The following RADX variants were observed in gnomAD, a reference collection of about 807,000 sequenced individuals.
RADX encodes the protein RPA-related protein RADX.
Under a neutral mutation model 61.6 loss-of-function variants are expected in RADX, and 36 were observed. The ratio of observed to expected loss-of-function variants is 0.58; its 90% CI spans 0.45 to 0.77. The LOEUF is 0.77. Ranked by LOEUF, RADX falls within the 30% of genes least tolerant of loss-of-function variation. The pLI, the probability that RADX is intolerant of heterozygous loss-of-function variation, is 0.00. For missense variants in RADX, 497 were observed against 651.1 expected (o/e 0.76, Z 2.58); for synonymous variants, 272 against 237.9 (o/e 1.14, Z -1.32).
intron 12 of RADX, among the ~76,000 whole-genome samples, chrX:106,667,125 A>G (rs1928246851): frequency 9.0e-6 from 1 of 111,457 alleles, no homozygotes; most frequent in Non-Finnish European, 1.9e-5. Context: ...CAGGTGCTGG[A>G]AAGTGTTGTA....
chrX:106,642,099 AT>A (rs1405037110), intron 10 of RADX, among the ~76,000 whole-genome samples: 1 of 110,732 alleles, frequency 9.0e-6, no homozygotes, highest in African/African-American at 3.3e-5. Flanking sequence ...ATTTTTTAAA[AT>A]TGTTTAACTT....
intron 1 of RADX, among the ~76,000 whole-genome samples, chrX:106,621,427 C>A (rs910472910): frequency 8.9e-6 from 1 of 111,877 alleles, no homozygotes; most frequent in African/African-American, 3.2e-5. Context: ...AAGAAATACT[C>A]GTACTAATGC....
chrX:106,639,459 C>A, intron 8 of RADX, 68 bp from the exon 9 acceptor site: 1 of 891,206 alleles, frequency 1.1e-6, no homozygotes, highest in Non-Finnish European at 1.5e-6. Context: ...AATTACATTG[C>A]AAATCTAATT....
chrX:106,632,572 TA>T, intron 3 of RADX, 52 bp from the exon 4 acceptor site: 1 of 809,985 alleles, frequency 1.2e-6, no homozygotes, highest in Middle Eastern at 4.1e-4. Context: ...TATTCATGTA[TA>T]TTCTTTGGTG....
intron 13 of RADX, 28 bp downstream of exon 13, chrX:106,669,358 T>TCA: frequency 9.5e-7 from 1 of 1,048,673 alleles, no homozygotes; most frequent in Non-Finnish European, 1.3e-6. Flanking sequence ...TTCTTTTCAC[T>TCA]CAGAAAAAAA....
intron 13 of RADX, among the ~76,000 whole-genome samples, chrX:106,670,381 T>C (rs1178758711): frequency 1.8e-5 from 2 of 110,699 alleles, no homozygotes; most frequent in Non-Finnish European, 3.8e-5. Flanking sequence ...TTCTGCTGTA[T>C]GTCTACACTA....
At position 106,632,697 on chromosome X, in the gene RADX, G is replaced by C; in HGVS notation, c.1052G>C (p.Trp351Ser). 1 of 1,192,891 alleles carries C rather than the reference G, an allele frequency of 8.4e-7. No homozygotes were observed. The highest frequency in any genetic ancestry group is 1.1e-6 in the Non-Finnish European group (1 of 880,765). Reference sequence around the variant, plus strand: ...CCAGAAAAGCAGGTGAAACCAGAATGGAGACTGCCAAAGCTAAATCACCGA... The same window carrying C: ...CCAGAAAAGCAGGTGAAACCAGAATCGAGACTGCCAAAGCTAAATCACCGA... Reference protein sequence around the residue: ...IIPEKQVKPEWRLPKLNHRFT... With the variant: ...IIPEKQVKPESRLPKLNHRFT... The change falls in exon 4 of 14, where the codon TGG (tryptophan) becomes TCG (serine). Residue 351 changes from tryptophan (W) to serine (S), a missense_variant. By Grantham distance (177) the Trp-to-Ser change is radical. Around this residue, in one of 3 missense-constraint regions of RADX, gnomAD observed 196 missense variants for 315.0 expected, o/e 0.62. Transcript: ENST00000372548.
chrX:106,664,720 G>A (rs186781343), intron 12 of RADX, among the ~76,000 whole-genome samples: 126 of 101,550 alleles, frequency 1.2e-3, no homozygotes, highest in Non-Finnish European at 1.1e-3. Context: ...GTGGGAGGGG[G>A]TAGCTTATCA....
intron 10 of RADX, among the ~76,000 whole-genome samples, chrX:106,641,110 A>T (rs927850006): frequency 6.4e-5 from 7 of 109,742 alleles, no homozygotes; most frequent in African/African-American, 2.3e-4. Context: ...TAAGGATACC[A>T]CTCATATTGG....
chrX:106,658,658 A>G lies in RADX; in HGVS notation c.1979-3357A>G, dbSNP rs762667174. 7.1e-5 allele frequency among the ~76,000 whole-genome samples: 8 copies of G among 112,437 alleles called. No individual in the cohort carries two copies. In the South Asian group the frequency reaches 2.2e-3, roughly 31 times the overall value. The stretch of plus-strand genomic sequence containing the variant: ...CAGTTTTAATGAATGAATTAGATCT[A>G]TATGTGTCAACATGGTCACTAATGT... On this transcript the variant is annotated intron_variant, in intron 11 of 13. Transcript: ENST00000372548.
At chrX:106,640,204 T>C (rs1485089871) in intron 9 of RADX, among the ~76,000 whole-genome samples, 2 of 111,185 alleles carry the variant, frequency 1.8e-5, no homozygotes, top group Non-Finnish European at 3.8e-5. Flanking sequence ...TTTAGTATTA[T>C]AGAAGATGCC....
chrX:106,627,556 A>C (rs1448802984), intron 3 of RADX, among the ~76,000 whole-genome samples: 1 of 111,136 alleles, frequency 9.0e-6, no homozygotes, highest in African/African-American at 3.3e-5. Context: ...TAGATCCCTA[A>C]GACATTTCTG....
chrX:106,626,785 T>G (rs914950187), intron 3 of RADX, among the ~76,000 whole-genome samples: 1 of 112,191 alleles, frequency 8.9e-6, no homozygotes, highest in Non-Finnish European at 1.9e-5. Flanking sequence ...TACCTTTTGG[T>G]CTTTAAAACA....
intron 13 of RADX, among the ~76,000 whole-genome samples, chrX:106,675,178 C>T (rs1264611456): frequency 3.6e-5 from 4 of 112,007 alleles, no homozygotes; most frequent in African/African-American, 1.3e-4. Context: ...TTTGGAAGTA[C>T]AGCATGGTAT....
At position 106,639,572 on chromosome X, in the gene RADX, A is replaced by G; in HGVS notation, c.1619A>G (p.Glu540Gly). 1.7e-6 allele frequency: 2 copies of G among 1,202,481 alleles called. No individual in the cohort carries two copies. Among genetic ancestry groups the G allele is most frequent in the Non-Finnish European group, 2.2e-6 (2 of 890,992 alleles). ...TAISEVRKEI[E>G]DLQYREQKRI... ...ATAAGTGAAGTCAGGAAGGAGATTGAAGACTTGCAGTATAGGGAACAAAAG... is the reference window on the plus strand; with the variant it reads ...ATAAGTGAAGTCAGGAAGGAGATTGGAGACTTGCAGTATAGGGAACAAAAG... The change falls in exon 9 of 14, where the codon GAA (glutamate) becomes GGA (glycine). Residue 540 changes from glutamate to glycine, a missense_variant. Glu to Gly is a moderately conservative substitution (Grantham distance 98). Coordinates refer to ENST00000372548, the MANE Select transcript of RADX (RefSeq NM_018015.6).
At chrX:106,626,404 TGAA>T (rs576099715) in intron 3 of RADX, among the ~76,000 whole-genome samples, 2 of 111,357 alleles carry the variant, frequency 1.8e-5, no homozygotes, top group South Asian at 7.5e-4. Context: ...TCTTGCTAGA[TGAA>T]GAAGTTATTA....
chrX:106,641,354 A>G (rs1927509442), intron 10 of RADX, among the ~76,000 whole-genome samples: 1 of 110,898 alleles, frequency 9.0e-6, no homozygotes, highest in Admixed American at 9.6e-5. Flanking sequence ...GTCTTATCCC[A>G]TAGCACCATC....
At position 106,678,430 on chromosome X, in the gene RADX, A is replaced by T; in HGVS notation, c.*172A>T. 3.0e-6 allele frequency: 1 copy of T among 335,218 alleles called. No homozygotes were observed. The highest frequency in any genetic ancestry group is 5.2e-6 in the Non-Finnish European group (1 of 192,951). The allele number at this position is 335,218 out of a possible 1,213,427, so 27.6% of individuals were successfully genotyped here. ...TTTAGGGAGCTTTTTAAAACACTTC[A>T]TTTCAGATTCATTATTGAAAAAGGT... is the stretch of plus-strand genomic sequence containing the variant. On this transcript the variant is annotated 3_prime_UTR_variant, in exon 14 of 14. Coordinates refer to ENST00000372548, the MANE Select transcript of RADX (RefSeq NM_018015.6).
chrX:106,669,377 T>A (rs748279921), intron 13 of RADX, 47 bp downstream of exon 13: 1 of 873,537 alleles, frequency 1.1e-6, no homozygotes, highest in Non-Finnish European at 1.6e-6. Context: ...AAAAAAATTA[T>A]AAACAGCCCT....
Sources: allele counts gnomAD v4.1 joint callset (sites outside exome capture counted in the v4.1 genomes callset), GRCh38; gene constraint gnomAD v4.1.1; regional missense constraint gnomAD v4.1.1; transcripts MANE v1.5; gene names NCBI Gene and HGNC (gene_info 2026-07-23, HGNC 2026-07-21).